Variants in GHR observed in about 807,000 individuals in gnomAD.
GHR encodes GH receptor.
A neutral mutation model predicts 67.1 loss-of-function variants in GHR; 35 were observed. The observed-to-expected ratio is 0.52, with a 90% CI of 0.40 to 0.69. The LOEUF (loss-of-function observed/expected upper bound fraction) is 0.69. GHR is among the 30% of genes least tolerant of loss of function. GHR has a pLI of 0.00. For synonymous variants in GHR, 272 were observed against 269.1 expected, an observed-to-expected ratio of 1.01 and a Z score of -0.10; for missense variants, 792 against 764.6, an observed-to-expected ratio of 1.04 and a Z score of -0.42.
intron 2 of GHR, among the ~76,000 whole-genome samples, chr5:42,619,251 C>G (rs1407003362): frequency 6.6e-6 from 1 of 152,062 alleles, no homozygotes; most frequent in Non-Finnish European, 1.5e-5. Context: ...GACCCTGCAA[C>G]ATCTGGCCTC....
intron 2 of GHR, among the ~76,000 whole-genome samples, chr5:42,575,927 G>A (rs769549460): frequency 2.6e-5 from 4 of 151,322 alleles, no homozygotes; most frequent in South Asian, 2.1e-4. Context: ...CCAGCTGCTC[G>A]GGAGGCTGAG....
rs556532434 is a variant in GHR at position 42,550,876 on chromosome 5, C to A, written c.-11-14988C>A. 7.9e-5 allele frequency among the ~76,000 whole-genome samples: 12 copies of A among 152,260 alleles called. No homozygotes were observed. In the South Asian group the frequency reaches 2.5e-3, roughly 32 times the overall value. ...TCCATACCTTTCTGAAATTCTCTTG[C>A]ACCAACACCCGGCACCCTCAGGTTA... On this transcript the variant is annotated intron_variant, in intron 1 of 9. Coordinates refer to ENST00000230882, the MANE Select transcript of GHR (RefSeq NM_000163.5).
intron 3 of GHR, among the ~76,000 whole-genome samples, chr5:42,665,262 G>C (rs1561210275): frequency 6.6e-6 from 1 of 152,178 alleles, no homozygotes; most frequent in Non-Finnish European, 1.5e-5. Context: ...ATACCCAAAT[G>C]ACTGTAAATC....
chr5:42,666,678 C>T (rs1252145805), intron 3 of GHR, among the ~76,000 whole-genome samples: 6 of 152,132 alleles, frequency 3.9e-5, no homozygotes, highest in African/African-American at 1.2e-4. Flanking sequence ...GATCTAAGCT[C>T]TTATTGCTCA....
At chr5:42,688,057 A>G (rs1489923490) in intron 3 of GHR, among the ~76,000 whole-genome samples, 2 of 152,240 alleles carry the variant, frequency 1.3e-5, no homozygotes. Context: ...ACACATGAGT[A>G]TGTATAAGTT....
intron 3 of GHR, among the ~76,000 whole-genome samples, chr5:42,644,264 A>G (rs1188222782): frequency 6.6e-6 from 1 of 152,216 alleles, no homozygotes; most frequent in South Asian, 2.1e-4. Flanking sequence ...GTTGATGAAC[A>G]TATAGTTCAC....
At chr5:42,717,398 A>G (rs1758772393) in intron 8 of GHR, among the ~76,000 whole-genome samples, 1 of 152,258 alleles carries the variant, frequency 6.6e-6, no homozygotes, top group South Asian at 2.1e-4. Flanking sequence ...ACCAAAAAAT[A>G]ATTTAAAGAT....
intron 1 of GHR, among the ~76,000 whole-genome samples, chr5:42,538,266 A>G (rs1748349478): frequency 1.3e-5 from 2 of 152,090 alleles, no homozygotes; most frequent in South Asian, 4.2e-4. Flanking sequence ...ATTTTTGTTT[A>G]TAAGTCCTAT....
chr5:42,697,737 A>T (rs558258504), intron 5 of GHR, among the ~76,000 whole-genome samples: 3 of 152,180 alleles, frequency 2.0e-5, no homozygotes, highest in Non-Finnish European at 4.4e-5. Context: ...TGAGGTAGGC[A>T]GCCTTTGGAG....
chr5:42,696,953 T>C (rs76780843), intron 5 of GHR, among the ~76,000 whole-genome samples: 6,449 of 152,292 alleles, frequency 0.042, 190 homozygotes, highest in African/African-American at 0.084. Flanking sequence ...CTTGTCTCTT[T>C]ATTAATGCTC....
intron 2 of GHR, among the ~76,000 whole-genome samples, chr5:42,593,129 T>TA (rs1751878681): frequency 6.6e-6 from 1 of 152,212 alleles, no homozygotes; most frequent in South Asian, 2.1e-4. Flanking sequence ...ATCGATTTTT[T>TA]AAAAAACCTT....
chr5:42,531,370 T>C (rs2112340657), intron 1 of GHR, among the ~76,000 whole-genome samples: 1 of 152,304 alleles, frequency 6.6e-6, no homozygotes, highest in South Asian at 2.1e-4. Context: ...GGTTAGAACT[T>C]ATGAGTAGCA....
intron 3 of GHR, among the ~76,000 whole-genome samples, chr5:42,684,506 T>C (rs565999009): frequency 6.4e-4 from 98 of 152,340 alleles, no homozygotes; most frequent in African/African-American, 2.1e-3. Flanking sequence ...CTTCAACTAA[T>C]AGTAAAAAGG....
At chr5:42,613,057 G>A (rs1481840266) in intron 2 of GHR, among the ~76,000 whole-genome samples, 1 of 152,118 alleles carries the variant, frequency 6.6e-6, no homozygotes, top group Non-Finnish European at 1.5e-5. Context: ...AGATAGAGAT[G>A]TTTCAAATTC....
intron 3 of GHR, among the ~76,000 whole-genome samples, chr5:42,665,122 A>AAAT (rs1227965825): frequency 6.6e-6 from 1 of 152,176 alleles, no homozygotes; most frequent in Non-Finnish European, 1.5e-5. Flanking sequence ...GGATGTGGAG[A>AAAT]AATAGGAACA....
chr5:42,561,035 G>A lies in GHR; in HGVS notation c.-11-4829G>A, dbSNP rs935625011. ...AATCTAATTTTAGGCCCTTTTATTC[G>A]TGAATTTGAACCTTGTTCTCTATTC... On this transcript the variant is annotated intron_variant, in intron 1 of 9. Coordinates refer to ENST00000230882, the MANE Select transcript of GHR (RefSeq NM_000163.5). 4.6e-5 allele frequency among the ~76,000 whole-genome samples: 7 copies of A among 152,140 alleles called. 1 individual carries two copies. The highest frequency in any genetic ancestry group is 3.3e-4 in the Admixed American group (5 of 15,282).
At chr5:42,638,130 G>A (rs969967094) in intron 3 of GHR, among the ~76,000 whole-genome samples, 8 of 151,904 alleles carry the variant, frequency 5.3e-5, no homozygotes, top group East Asian at 1.9e-4. Context: ...TAGTAGAGAC[G>A]GGATTTCACC....
rs193147948 is a variant in GHR at position 42,550,942 on chromosome 5, C to G, written c.-11-14922C>G. Among the ~76,000 whole-genome samples the G allele has an allele frequency of 1.8e-4, 28 of 152,290 alleles. No individual in the cohort carries two copies. The East Asian group carries it at 5.2e-3, about 28-fold the overall frequency. On this transcript the variant is annotated intron_variant, in intron 1 of 9. Transcript: ENST00000230882. ...AGCCTGAGGCTCAACTTCTAGCCCT[C>G]TCTTTTCTCTTTTACCGGAACTAAC... is the stretch of plus-strand genomic sequence containing the variant.
intron 3 of GHR, among the ~76,000 whole-genome samples, chr5:42,673,379 T>A (rs1054066915): frequency 2.6e-5 from 4 of 152,276 alleles, no homozygotes; most frequent in Admixed American, 6.5e-5. Flanking sequence ...GAAACAGAGT[T>A]ACCATTCAAC....
Sources: allele counts gnomAD v4.1 joint callset (sites outside exome capture counted in the v4.1 genomes callset), GRCh38; gene constraint gnomAD v4.1.1; transcripts MANE v1.5; gene names NCBI Gene and HGNC (gene_info 2026-07-23, HGNC 2026-07-21).